The following GRID2 variants were observed in gnomAD, a reference collection of about 807,000 sequenced individuals.
The protein encoded by GRID2 is glutamate ionotropic receptor delta type subunit 2.
GRID2 carries 33 observed loss-of-function variants against 114.8 expected under a neutral mutation model. That is an observed-to-expected ratio of 0.29 (90% CI 0.22 to 0.38). The LOEUF is 0.38. Ranked by LOEUF, GRID2 falls within the 10% of genes least tolerant of loss-of-function variation. The pLI, the probability that GRID2 is intolerant of heterozygous loss-of-function variation, is 1.00. For synonymous variants in GRID2, 505 were observed against 449.9 expected (o/e 1.12, Z -1.55); for missense variants, 1,184 against 1,257.7 (o/e 0.94, Z 0.89).
chr4:93,246,260 G>A (rs1748189104), intron 8 of GRID2, among the ~76,000 whole-genome samples: 1 of 152,030 alleles, frequency 6.6e-6, no homozygotes, highest in Admixed American at 6.6e-5. Context: ...ATTGTGTCTT[G>A]GAAGGTTTAT....
At chr4:93,078,398 T>G (rs1729527179) in intron 2 of GRID2, among the ~76,000 whole-genome samples, 1 of 151,982 alleles carries the variant, frequency 6.6e-6, no homozygotes, top group Non-Finnish European at 1.5e-5. Flanking sequence ...ATGAATATCT[T>G]CTGTCTCACC....
intron 1 of GRID2, among the ~76,000 whole-genome samples, chr4:92,585,261 A>G (rs1234931317): frequency 6.6e-6 from 1 of 151,968 alleles, no homozygotes; most frequent in Non-Finnish European, 1.5e-5. Context: ...CTCTGTTGTT[A>G]AAAAGAAAAT....
chr4:93,198,053 G>C (rs1386897312), intron 4 of GRID2, among the ~76,000 whole-genome samples: 2 of 152,086 alleles, frequency 1.3e-5, no homozygotes, highest in African/African-American at 4.8e-5. Context: ...ATCCACAGAT[G>C]TATAAGGACG....
intron 2 of GRID2, among the ~76,000 whole-genome samples, chr4:92,924,630 G>A (rs1293488373): frequency 6.6e-6 from 1 of 152,076 alleles, no homozygotes; most frequent in African/African-American, 2.4e-5. Context: ...GTTGCATGAG[G>A]TTATATTTTT....
intron 2 of GRID2, among the ~76,000 whole-genome samples, chr4:92,762,323 G>A (rs910789592): frequency 6.6e-6 from 1 of 151,994 alleles, no homozygotes; most frequent in African/African-American, 2.4e-5. Context: ...TAGTGAATGT[G>A]TATGAATGTA....
chr4:93,538,055 T>G lies in GRID2; in HGVS notation c.2193+22644T>G, dbSNP rs570830219. On this transcript the variant is annotated intron_variant, in intron 13 of 15. Coordinates refer to ENST00000282020, the MANE Select transcript of GRID2 (RefSeq NM_001510.4). Reference sequence around the variant, plus strand: ...AAAATTTCAGGAATTACCTGTATTCTCTTTTTAAAATTTTTATTCGTTTAT... The same window carrying G: ...AAAATTTCAGGAATTACCTGTATTCGCTTTTTAAAATTTTTATTCGTTTAT... Among the ~76,000 whole-genome samples, 25 of 151,890 alleles carry G rather than the reference T, an allele frequency of 1.6e-4. No individual in the cohort carries two copies. The South Asian group carries it at 5.0e-3, about 30-fold the overall frequency.
intron 1 of GRID2, among the ~76,000 whole-genome samples, chr4:92,573,028 G>T (rs928117476): frequency 7.9e-5 from 12 of 150,964 alleles, no homozygotes; most frequent in African/African-American, 2.9e-4. Flanking sequence ...CAAGCATTCC[G>T]TTTCTTCCTG....
Position 93,331,126 on chromosome 4 carries a change from AC to A in GRID2, c.1246-64471del, listed in dbSNP as rs34629868. 8.9e-3 allele frequency among the ~76,000 whole-genome samples: 1,095 copies of A among 123,364 alleles called. 7 individuals carry two copies. Among genetic ancestry groups the A allele is most frequent in the Middle Eastern group, 0.013 (3 of 234 alleles). 80.9% of individuals were successfully genotyped at this position (123,364 alleles called of 152,430 possible). Reference sequence around the variant, plus strand: ...CAGCCTCAGTGCCTGCTGCTATCTAACCCCCCCCCCATTTCACTCATTATCT... The same window carrying A: ...CAGCCTCAGTGCCTGCTGCTATCTAACCCCCCCCCATTTCACTCATTATCT... On this transcript the variant is annotated intron_variant, in intron 8 of 15. Transcript: ENST00000282020.
intron 1 of GRID2, among the ~76,000 whole-genome samples, chr4:92,522,325 C>G (rs766384298): frequency 6.6e-6 from 1 of 151,854 alleles, no homozygotes; most frequent in Non-Finnish European, 1.5e-5. Flanking sequence ...AAAAAAATAA[C>G]AGGAAAGCAG....
Position 93,085,211 on chromosome 4 carries a change from A to T in GRID2, c.461A>T (p.Asp154Val). 7 of 1,613,732 alleles carry T rather than the reference A, an allele frequency of 4.3e-6. No individual in the cohort carries two copies. Among genetic ancestry groups the T allele is most frequent in the Non-Finnish European group, 5.1e-6 (6 of 1,179,612 alleles). The change falls in exon 3 of 16, where the codon GAT becomes GTT. Residue 154 changes from aspartate (D) to valine (V), a missense_variant. Around this residue, in one of 3 missense-constraint regions of GRID2, gnomAD observed 455 missense variants for 429.5 expected, o/e 1.06. Coordinates refer to ENST00000282020, the MANE Select transcript of GRID2 (RefSeq NM_001510.4). ...LSVRPPVYLH[D>V]VILRVVTEYA... Reference sequence around the variant, plus strand: ...GTTCGCCCACCTGTCTACTTGCATGATGTTATCCTAAGAGTGGTCACAGAG... The same window carrying T: ...GTTCGCCCACCTGTCTACTTGCATGTTGTTATCCTAAGAGTGGTCACAGAG...
chr4:92,985,920 A>G (rs912539401), intron 2 of GRID2, among the ~76,000 whole-genome samples: 9 of 152,210 alleles, frequency 5.9e-5, no homozygotes, highest in Non-Finnish European at 1.2e-4. Context: ...GAAAGCATCT[A>G]TAATACATTT....
intron 3 of GRID2, among the ~76,000 whole-genome samples, chr4:93,106,377 C>G (rs908041199): frequency 1.3e-5 from 2 of 152,044 alleles, no homozygotes; most frequent in Non-Finnish European, 2.9e-5. Context: ...CATGGAGTCC[C>G]CCTCTGTTGC....
chr4:93,225,360 T>C (rs937569079), intron 7 of GRID2, among the ~76,000 whole-genome samples: 1 of 152,214 alleles, frequency 6.6e-6, no homozygotes, highest in African/African-American at 2.4e-5. Flanking sequence ...AGGCAGTTTA[T>C]GTTGTTTAGC....
intron 2 of GRID2, among the ~76,000 whole-genome samples, chr4:92,781,205 C>T (rs1739056820): frequency 1.3e-5 from 2 of 152,068 alleles, no homozygotes; most frequent in African/African-American, 2.4e-5. Context: ...GAGATCACAC[C>T]ACTGCACTCC....
At chr4:93,126,142 A>C (rs1243739658) in intron 4 of GRID2, among the ~76,000 whole-genome samples, 1 of 152,162 alleles carries the variant, frequency 6.6e-6, no homozygotes, top group East Asian at 1.9e-4. Context: ...ATACCTAATA[A>C]ATATTTGCAT....
intron 2 of GRID2, among the ~76,000 whole-genome samples, chr4:93,042,279 C>CTCTCTT (rs1725613055): frequency 2.6e-5 from 1 of 38,954 alleles, no homozygotes; most frequent in African/African-American, 7.2e-5. Flanking sequence ...CTCTCTTTCT[C>CTCTCTT]TCTCTCTCTC....
chr4:92,861,324 C>T (rs1460567435), intron 2 of GRID2, among the ~76,000 whole-genome samples: 6 of 152,054 alleles, frequency 3.9e-5, no homozygotes, highest in Non-Finnish European at 5.9e-5. Flanking sequence ...GTCACCTGCA[C>T]CATATTATAT....
At chr4:92,947,123 TTA>T (rs1393115934) in intron 2 of GRID2, among the ~76,000 whole-genome samples, 3 of 152,032 alleles carry the variant, frequency 2.0e-5, no homozygotes, top group African/African-American at 7.2e-5. Flanking sequence ...CTGGGTTTAT[TTA>T]TATGTCTGTT....
At chr4:93,217,580 G>A (rs1209843351) in intron 6 of GRID2, among the ~76,000 whole-genome samples, 2 of 151,406 alleles carry the variant, frequency 1.3e-5, no homozygotes. Context: ...CTTTGCTCTG[G>A]AGATCTCAAT....
Sources: gnomAD v4.1 joint callset for allele counts (sites outside exome capture counted in the v4.1 genomes callset) on GRCh38, gnomAD v4.1.1 for gene constraint, gnomAD v4.1.1 regional missense constraint, MANE v1.5 for transcripts, NCBI Gene and HGNC (gene_info 2026-07-23, HGNC 2026-07-21) for gene names.